The following PRDM16 variants were observed in gnomAD, a reference collection of about 807,000 sequenced individuals.
The protein encoded by PRDM16 is PR/SET domain 16.
Under a neutral mutation model 110.6 loss-of-function variants are expected in PRDM16, and 23 were observed. The observed-to-expected ratio is 0.21, with a 90% confidence interval of 0.15 to 0.29. PRDM16 has a LOEUF of 0.29. Ranked by LOEUF, PRDM16 falls within the 10% of genes least tolerant of loss-of-function variation. PRDM16 has a pLI of 1.00. For synonymous variants in PRDM16, 799 were observed against 781.8 expected (o/e 1.02, Z -0.37); for missense variants, 1,615 against 1,794.3 (o/e 0.90, Z 1.81).
At chr1:3,393,792 C>A (rs1389714757) in intron 4 of PRDM16, among the ~76,000 whole-genome samples, 2 of 152,220 alleles carry the variant, frequency 1.3e-5, no homozygotes, top group Admixed American at 1.3e-4. Flanking sequence ...GAAAAGTTTG[C>A]GCGGATTCCC....
chr1:3,351,755 CT>C (rs1329156129), intron 3 of PRDM16, among the ~76,000 whole-genome samples: 9 of 129,432 alleles, frequency 7.0e-5, no homozygotes, highest in East Asian at 6.7e-4. Flanking sequence ...TCTCCCCCCC[CT>C]CTGTTTCTCT....
Position 3,186,339 on chromosome 1 carries a change from C to T in PRDM16, c.252C>T (p.Phe84=), listed in dbSNP as rs370290776. The T allele has an allele frequency of 5.1e-5, 83 of 1,612,362 alleles. No homozygotes were observed. The highest frequency in any genetic ancestry group is 3.9e-4 in the African/African-American group (29 of 75,046). Residue 84 remains phenylalanine (F), a synonymous_variant, in exon 2 of 17, where the codon TTC becomes TTT. Transcript: ENST00000270722. ...AAGACATTCCGATCCCAGCAGACTT[C>T]GAGCTCCGAGAGTCCTCCATCCCAG... ...IPEDIPIPAD[F]ELRESSIPGA...
intron 1 of PRDM16, among the ~76,000 whole-genome samples, chr1:3,130,905 G>A (rs771489320): frequency 9.9e-5 from 15 of 151,790 alleles, no homozygotes; most frequent in South Asian, 2.1e-4. Flanking sequence ...GAACGCAGCC[G>A]CTTCCTTCTG....
At position 3,411,425 on chromosome 1, in the gene PRDM16, T is replaced by A; in HGVS notation, c.1228T>A (p.Cys410Ser). ...HKSYTQFSNLCRHKRMHADCR... is the reference protein window; with the variant it reads ...HKSYTQFSNLSRHKRMHADCR... ...GTCCTACACGCAGTTCTCCAACCTGTGCCGGCACAAGCGGATGCACGCCGA... is the reference window on the plus strand; with the variant it reads ...GTCCTACACGCAGTTCTCCAACCTGAGCCGGCACAAGCGGATGCACGCCGA... Residue 410 changes from cysteine (C) to serine (S), a missense_variant, in exon 9 of 17, where the codon TGC becomes AGC. By Grantham distance (112) the Cys-to-Ser change is moderately radical (BLOSUM62 -1). Around this residue, in one of 5 missense-constraint regions of PRDM16, gnomAD observed 82 missense variants for 144.4 expected, o/e 0.57. Transcript: ENST00000270722. 1 of 1,614,126 alleles carries A rather than the reference T, an allele frequency of 6.2e-7. No homozygotes were observed. The highest frequency in any genetic ancestry group is 8.5e-7 in the Non-Finnish European group (1 of 1,179,978).
intron 1 of PRDM16, among the ~76,000 whole-genome samples, chr1:3,122,670 A>C (rs912099044): frequency 6.6e-6 from 1 of 152,140 alleles, no homozygotes; most frequent in Admixed American, 6.5e-5. Flanking sequence ...CCTTCCAGAC[A>C]TTCCCCCCCT....
chr1:3,383,168 G>A (rs1354786761), intron 3 of PRDM16, among the ~76,000 whole-genome samples: 1 of 152,220 alleles, frequency 6.6e-6, no homozygotes, highest in Non-Finnish European at 1.5e-5. Flanking sequence ...GAGCTTGGGA[G>A]CATTTCTGCC....
At chr1:3,355,127 T>G (rs747940351) in intron 3 of PRDM16, among the ~76,000 whole-genome samples, 8 of 151,960 alleles carry the variant, frequency 5.3e-5, no homozygotes, top group Non-Finnish European at 1.0e-4. Context: ...CTCATAGTGC[T>G]GAGGATTGGA....
At position 3,358,953 on chromosome 1, in the gene PRDM16, A is replaced by C. The variant is rs1570130523; in HGVS notation, c.439-26199A>C. On this transcript the variant is annotated intron_variant, in intron 3 of 16. Transcript: ENST00000270722. The surrounding 1 kb of genome is among the most constrained non-coding windows in gnomAD (Gnocchi z 4.0). Reference sequence around the variant, plus strand: ...CCATGAGGAATCAGAGGGGGAAAGCACAGCCGCTGTGGCTCATGTTGTCAT... The same window carrying C: ...CCATGAGGAATCAGAGGGGGAAAGCCCAGCCGCTGTGGCTCATGTTGTCAT... 1.3e-5 allele frequency among the ~76,000 whole-genome samples: 2 copies of C among 152,212 alleles called. No homozygotes were observed. Among genetic ancestry groups the C allele is most frequent in the African/African-American group, 4.8e-5 (2 of 41,452 alleles).
intron 2 of PRDM16, among the ~76,000 whole-genome samples, chr1:3,235,744 T>A (rs1569897102): frequency 1.3e-5 from 2 of 151,090 alleles, no homozygotes; most frequent in South Asian, 4.2e-4. Flanking sequence ...GGGGGCGGGG[T>A]GTGGGGGGTC....
At chr1:3,399,435 G>A (rs773536501) in intron 5 of PRDM16, among the ~76,000 whole-genome samples, 2 of 152,170 alleles carry the variant, frequency 1.3e-5, no homozygotes, top group Non-Finnish European at 2.9e-5. Flanking sequence ...CCCCAGGGGT[G>A]TATTCAGGGC....
intron 3 of PRDM16, among the ~76,000 whole-genome samples, chr1:3,263,778 C>CT (rs2100260676): frequency 6.6e-6 from 1 of 152,348 alleles, no homozygotes; most frequent in East Asian, 1.9e-4. Flanking sequence ...ATAGTTGGAA[C>CT]GTGAAGCCAG....
At chr1:3,267,765 G>A (rs898222481) in intron 3 of PRDM16, among the ~76,000 whole-genome samples, 7 of 152,128 alleles carry the variant, frequency 4.6e-5, no homozygotes, top group African/African-American at 9.7e-5. Flanking sequence ...TCAGTGAGCC[G>A]CTTCTCCATC....
At chr1:3,404,634 G>A (rs1643528777) in intron 6 of PRDM16, 105 bp from the exon 7 acceptor site, 1 of 1,387,000 alleles carries the variant, frequency 7.2e-7, no homozygotes, top group African/African-American at 1.4e-5. Flanking sequence ...CGGCAGCGTG[G>A]TGGGGGCTCC....
chr1:3,275,298 C>T (rs957479248), intron 3 of PRDM16, among the ~76,000 whole-genome samples: 4 of 152,228 alleles, frequency 2.6e-5, no homozygotes, highest in Admixed American at 1.3e-4. Context: ...AACAAGTTCC[C>T]GGAAAGGATC....
intron 9 of PRDM16, among the ~76,000 whole-genome samples, chr1:3,413,697 G>A (rs1310894530): frequency 6.6e-6 from 1 of 152,158 alleles, no homozygotes; most frequent in Non-Finnish European, 1.5e-5. Context: ...TTACCAAAGC[G>A]CTCTCAGTGA....
chr1:3,177,040 CATCT>C lies in PRDM16; in HGVS notation c.38-9084_38-9081del, dbSNP rs112803461. 8.1e-3 allele frequency among the ~76,000 whole-genome samples: 1,231 copies of C among 152,248 alleles called. 8 individuals carry two copies. The highest frequency in any genetic ancestry group is 0.025 in the African/African-American group (1,047 of 41,532). ...TAATCCATCCATCCATCCCCTCATC[CATCT>C]GTTAACTCATCCATCCACTCATGTA... is the stretch of plus-strand genomic sequence containing the variant. On this transcript the variant is annotated intron_variant, in intron 1 of 16. Coordinates refer to ENST00000270722, the MANE Select transcript of PRDM16 (RefSeq NM_022114.4).
At chr1:3,251,706 G>A (rs953335866) in intron 3 of PRDM16, among the ~76,000 whole-genome samples, 1 of 152,188 alleles carries the variant, frequency 6.6e-6, no homozygotes, top group African/African-American at 2.4e-5. Flanking sequence ...GACACCTCTC[G>A]CAGGCGCCTA....
intron 1 of PRDM16, among the ~76,000 whole-genome samples, chr1:3,153,040 G>T (rs1557487181): frequency 6.6e-6 from 1 of 152,238 alleles, no homozygotes; most frequent in Non-Finnish European, 1.5e-5. Context: ...GTCAGCCTGG[G>T]GCCGGGGCCA....
chr1:3,372,954 G>C (rs1187697042), intron 3 of PRDM16, among the ~76,000 whole-genome samples: 1 of 152,218 alleles, frequency 6.6e-6, no homozygotes, highest in African/African-American at 2.4e-5. Context: ...TGACTTACCA[G>C]CTAGCGGGGT....
Sources: gnomAD v4.1 joint callset for allele counts (sites outside exome capture counted in the v4.1 genomes callset) on GRCh38, gnomAD v4.1.1 for gene constraint, gnomAD v4.1.1 regional missense constraint, Gnocchi (gnomAD v3.1) non-coding constraint, MANE v1.5 for transcripts, NCBI Gene and HGNC (gene_info 2026-07-23, HGNC 2026-07-21) for gene names.